ZNF433: variants seen among roughly 807,000 people sequenced by gnomAD.
The protein encoded by ZNF433 is zinc finger protein 433.
In ZNF433, 12 loss-of-function variants were observed where a neutral mutation model predicts 10.6. That is an observed-to-expected ratio of 1.13 (90% CI 0.72 to 1.83). The LOEUF is 1.83. ZNF433 is among the 40% of genes most tolerant of loss of function. The probability of loss-of-function intolerance (pLI) is 0.00; values close to 1 mark genes in which losing one functional copy is unlikely to be tolerated. For synonymous variants in ZNF433, 272 were observed against 271.3 expected, an observed-to-expected ratio of 1.00 and a Z score of -0.02; for missense variants, 737 against 798.0, an observed-to-expected ratio of 0.92 and a Z score of 0.92.
At position 12,016,099 on chromosome 19, in the gene ZNF433, A is replaced by C; in HGVS notation, c.759T>G (p.Cys253Trp). 1 of 1,614,124 alleles carries C rather than the reference A, an allele frequency of 6.2e-7. No homozygotes were observed. Among genetic ancestry groups the C allele is most frequent in the South Asian group, 1.1e-5 (1 of 91,080 alleles). The change falls in exon 4 of 4, where the codon TGT (cysteine) becomes TGG (tryptophan). Residue 253 changes from cysteine to tryptophan, a missense_variant. Coordinates refer to ENST00000550507, the MANE Select transcript of ZNF433 (RefSeq NM_001308348.2). Reference protein sequence around the residue: ...RTHTGEKPYKCNECGKAFHSS... With the variant: ...RTHTGEKPYKWNECGKAFHSS... ...TATGGAATGCTTTCCCACATTCATT[A>C]CATTTATAAGGCTTCTCCCCAGTGT...
At chr19:12,024,384 A>T (rs1334236620) in intron 1 of ZNF433, 1 of 152,250 alleles carries the variant, frequency 6.6e-6, no homozygotes, top group Non-Finnish European at 1.5e-5. Context: ...GCAATAAACA[A>T]CCTGCAGCCT....
chr19:12,021,832 C>T (rs1974509061), intron 1 of ZNF433: 3 of 393,428 alleles, frequency 7.6e-6, no homozygotes, highest in East Asian at 1.5e-4. Flanking sequence ...TCAGATTTCT[C>T]TCCTGAAGAC....
chr19:12,031,317 A>AAAAAAAAAAAAAAAC (rs1568342004), intron 1 of ZNF433, among the ~76,000 whole-genome samples: 1 of 116,972 alleles, frequency 8.5e-6, no homozygotes, highest in Non-Finnish European at 1.6e-5. Flanking sequence ...AAAACAAAAC[A>AAAAAAAAAAAAAAAC]AAAAAAAAAA....
intron 3 of ZNF433, 58 bp from the exon 4 acceptor site, chr19:12,016,724 T>C: frequency 2.6e-6 from 4 of 1,560,452 alleles, no homozygotes; most frequent in South Asian, 1.2e-5. Flanking sequence ...TTTATATTCA[T>C]TCACAAGTAT....
rs367705892 is a variant in ZNF433, at chr19:12,014,716, TACC to T, written c.*126_*128del. On this transcript the variant is annotated 3_prime_UTR_variant, in exon 4 of 4. Transcript: ENST00000550507. ...CAGCCACGGATTTCTCAACTGCCAT[TACC>T]ACCAACTGGAAGTCTTTTTATTTAT... is the stretch of plus-strand genomic sequence containing the variant. 13 of 720,606 alleles carry T rather than the reference TACC, an allele frequency of 1.8e-5. No individual in the cohort carries two copies. The highest frequency in any genetic ancestry group is 1.4e-4 in the African/African-American group (8 of 56,178). The allele number at this position is 720,606 out of a possible 1,614,324, so 44.6% of individuals were successfully genotyped here. A position where few individuals can be genotyped will look rare whatever the true frequency, so the allele number is the denominator to read the frequency against.
At chr19:12,033,089 CTT>C (rs754399965) in intron 1 of ZNF433, among the ~76,000 whole-genome samples, 1 of 145,818 alleles carries the variant, frequency 6.9e-6, no homozygotes. Context: ...AGTGCATTTC[CTT>C]TTTTTTTTTT....
At position 12,015,092 on chromosome 19, in the gene ZNF433, C is replaced by A. The variant is rs1174448147; in HGVS notation, c.1766G>T (p.Cys589Phe). 2 of 1,614,068 alleles carry A rather than the reference C, an allele frequency of 1.2e-6. No homozygotes were observed. The highest frequency in any genetic ancestry group is 1.1e-5 in the South Asian group (1 of 91,084). Residue 589 changes from cysteine to phenylalanine, a missense_variant, in exon 4 of 4, where the codon TGT becomes TTT. Coordinates refer to ENST00000550507, the MANE Select transcript of ZNF433 (RefSeq NM_001308348.2). ...RTHTGEKPYE[C>F]KQCGKSFGCA... ...TCCAAAAGACTTCCCACACTGCTTA[C>A]ATTCATAGGGTTTCTCTCCAGTGTG... is the stretch of plus-strand genomic sequence containing the variant.
rs187893601 is a variant in ZNF433, at chr19:12,019,829, A to G, written c.4-1537T>C. On this transcript the variant is annotated intron_variant, in intron 1 of 3. Coordinates refer to ENST00000550507, the MANE Select transcript of ZNF433 (RefSeq NM_001308348.2). ...AAGCTAGGCACAAAAAGAAAATTAC[A>G]GTATAATTCACCTTAGATGAGTTAT... Among the ~76,000 whole-genome samples, 16 of 152,382 alleles carry G rather than the reference A, an allele frequency of 1.0e-4. No homozygotes were observed. The East Asian group carries it at 3.1e-3, about 29-fold the overall frequency.
In ZNF433 at chr19:12,027,018, G is replaced by A. The variant is rs1187035021; in HGVS notation, c.3+8519C>T. 2.4e-5 allele frequency: 11 copies of A among 450,370 alleles called. No individual in the cohort carries two copies. The Middle Eastern group carries it at 2.8e-3, about 116-fold the overall frequency. The allele number at this position is 450,370 out of a possible 1,614,324, so 27.9% of individuals were successfully genotyped here. A position where few individuals can be genotyped will look rare whatever the true frequency, so the allele number is the denominator to read the frequency against. On this transcript the variant is annotated intron_variant, in intron 1 of 3. Transcript: ENST00000550507. ...ATGGCTCTTAATAAGATCAAAATTTGGGAAAGGATAAAAAAGCATCTAGAA... is the reference window on the plus strand; with the variant it reads ...ATGGCTCTTAATAAGATCAAAATTTAGGAAAGGATAAAAAAGCATCTAGAA...
At chr19:12,017,305 C>T (rs527624543) in intron 3 of ZNF433, among the ~76,000 whole-genome samples, 2 of 151,196 alleles carry the variant, frequency 1.3e-5, no homozygotes, top group East Asian at 3.9e-4. Context: ...TGGGTTCAAG[C>T]GATTCTCCTG....
chr19:12,019,569 C>T (rs1974386127), intron 1 of ZNF433, among the ~76,000 whole-genome samples: 1 of 152,168 alleles, frequency 6.6e-6, no homozygotes, highest in Non-Finnish European at 1.5e-5. Flanking sequence ...TCCTGTATCC[C>T]ACTTTTGGGT....
chr19:12,029,392 G>A (rs533311851), intron 1 of ZNF433, among the ~76,000 whole-genome samples: 72 of 151,918 alleles, frequency 4.7e-4, no homozygotes, highest in African/African-American at 1.7e-3. Flanking sequence ...ATGGTGGCAT[G>A]TGCCTGTAGT....
At chr19:12,017,976 A>G in intron 2 of ZNF433, 40 bp from the exon 3 acceptor site, 1 of 1,435,394 alleles carries the variant, frequency 7.0e-7, no homozygotes, top group Non-Finnish European at 9.5e-7. Context: ...GAATTAGTAT[A>G]AAATTATTAA....
rs550073400 is a variant in ZNF433 at position 12,030,036 on chromosome 19, C to G, written c.3+5501G>C. The G allele has an allele frequency of 3.1e-3, 809 of 260,668 alleles. 10 individuals are homozygous for G. The Middle Eastern group carries it at 0.031, about 10-fold the overall frequency. The allele number at this position is 260,668 out of a possible 1,614,324, so 16.1% of individuals were successfully genotyped here. On this transcript the variant is annotated intron_variant, in intron 1 of 3. Coordinates refer to ENST00000550507, the MANE Select transcript of ZNF433 (RefSeq NM_001308348.2). The stretch of plus-strand genomic sequence containing the variant: ...GGCAGAGGTTGCAGTAAGCCGAGAT[C>G]GCACCACTGCACTCCAGCCTGGGTG...
chr19:12,035,368 G>A (rs1211609343), intron 1 of ZNF433, among the ~76,000 whole-genome samples, 169 bp downstream of exon 1: 1 of 152,062 alleles, frequency 6.6e-6, no homozygotes, highest in Non-Finnish European at 1.5e-5. Context: ...CCGGCGGCCG[G>A]CCCAGCCCCA....
chr19:12,016,814 G>A (rs192033821), intron 3 of ZNF433, 148 bp from the exon 4 acceptor site: 378 of 1,162,310 alleles, frequency 3.3e-4, no homozygotes, highest in Non-Finnish European at 4.2e-4. Flanking sequence ...TGCGATCTTC[G>A]CTTACTGCAA....
At position 12,018,258 on chromosome 19, in the gene ZNF433, A is replaced by G; in HGVS notation, c.38T>C (p.Phe13Ser). 1 of 1,613,664 alleles carries G rather than the reference A, an allele frequency of 6.2e-7. No homozygotes were observed. The change falls in exon 2 of 4, where the codon TTC becomes TCC. Residue 13 changes from phenylalanine (F) to serine (S), a missense_variant. Phe to Ser is a radical substitution (Grantham distance 155). Coordinates refer to ENST00000550507, the MANE Select transcript of ZNF433 (RefSeq NM_001308348.2). The stretch of plus-strand genomic sequence containing the variant: ...CAGCAAAGCCCACTCCTCTTGGGTG[A>G]AGGTCACAGCCACATCCTCAAAGGC... ...SVAFEDVAVTFTQEEWALLDP... is the reference protein window; with the variant it reads ...SVAFEDVAVTSTQEEWALLDP...
intron 1 of ZNF433, among the ~76,000 whole-genome samples, chr19:12,033,074 C>T (rs1205486619): frequency 6.6e-6 from 1 of 151,792 alleles, no homozygotes; most frequent in African/African-American, 2.4e-5. Flanking sequence ...CCCCTGTGTG[C>T]CCCAAGTGCA....
intron 1 of ZNF433, among the ~76,000 whole-genome samples, chr19:12,030,396 A>G (rs1221584406): frequency 1.3e-5 from 2 of 151,720 alleles, no homozygotes; most frequent in African/African-American, 2.4e-5. Flanking sequence ...AATTTTTTCT[A>G]TTTTTAGTAG....
Sources: gnomAD v4.1 joint callset for allele counts (sites outside exome capture counted in the v4.1 genomes callset) on GRCh38, gnomAD v4.1.1 for gene constraint, MANE v1.5 for transcripts, NCBI Gene and HGNC (gene_info 2026-07-23, HGNC 2026-07-21) for gene names.